ZMIZ1: variants seen among roughly 807,000 people sequenced by gnomAD.
The protein encoded by ZMIZ1 is zinc finger MIZ-type containing 1, also known as zinc finger MIZ domain-containing protein 1.
ZMIZ1 carries 17 observed loss-of-function variants against 113.9 expected under a neutral mutation model. That is an observed-to-expected ratio of 0.15 (90% confidence interval 0.10 to 0.22). The LOEUF (loss-of-function observed/expected upper bound fraction) is 0.22, where lower values mean the gene tolerates loss of function less well. Among genes scored for constraint, ZMIZ1 ranks in the 10% least tolerant of loss-of-function variants. The pLI is 1.00. For missense variants in ZMIZ1, 1,059 were observed against 1,477.8 expected (o/e 0.72, Z 4.65); for synonymous variants, 607 against 603.1 (o/e 1.01, Z -0.09).
chr10:79,286,706 G>A (rs976029592), intron 8 of ZMIZ1, among the ~76,000 whole-genome samples: 4 of 152,254 alleles, frequency 2.6e-5, no homozygotes, highest in African/African-American at 7.2e-5. Context: ...GGGCAGAGGG[G>A]ACAAAACAGG....
chr10:79,133,111 C>T (rs1208884107), intron 2 of ZMIZ1, among the ~76,000 whole-genome samples: 4 of 152,310 alleles, frequency 2.6e-5, no homozygotes, highest in Admixed American at 2.6e-4. Flanking sequence ...CATCCAAGAC[C>T]CTGCTTGCTT....
chr10:79,074,473 A>C (rs1248011607), intron 1 of ZMIZ1, among the ~76,000 whole-genome samples: 3 of 152,224 alleles, frequency 2.0e-5, no homozygotes, highest in African/African-American at 7.2e-5. Flanking sequence ...TCTTACAGCC[A>C]GAGCTTGCTT....
At chr10:79,148,219 G>GCATGATCA (rs1356025447) in intron 3 of ZMIZ1, among the ~76,000 whole-genome samples, 1 of 152,220 alleles carries the variant, frequency 6.6e-6, no homozygotes, top group African/African-American at 2.4e-5. Flanking sequence ...CCCTCACCCT[G>GCATGATCA]CATGATCACG....
intron 23 of ZMIZ1, among the ~76,000 whole-genome samples, chr10:79,309,058 G>A (rs1854930573): frequency 6.6e-6 from 1 of 152,160 alleles, no homozygotes; most frequent in Admixed American, 6.5e-5. Context: ...CGGTGGGGCA[G>A]GGCAGTCACA....
At chr10:79,090,900 T>G (rs943747694) in intron 1 of ZMIZ1, among the ~76,000 whole-genome samples, 3 of 152,234 alleles carry the variant, frequency 2.0e-5, no homozygotes, top group African/African-American at 7.2e-5. Context: ...TACACTGGCC[T>G]CATCGCCAGG....
At chr10:79,197,595 T>TACACACACACACACACACAC (rs10648318) in intron 4 of ZMIZ1, among the ~76,000 whole-genome samples, 71 of 136,842 alleles carry the variant, frequency 5.2e-4, no homozygotes, top group East Asian at 2.3e-3. Context: ...ACCCAGACCA[T>TACACACACACACACACACAC]ACACACACAC....
intron 2 of ZMIZ1, among the ~76,000 whole-genome samples, chr10:79,119,262 C>G (rs1844183610): frequency 6.6e-6 from 1 of 152,164 alleles, no homozygotes; most frequent in South Asian, 2.1e-4. Flanking sequence ...TATTCTGCTG[C>G]CAACTCCCAG....
chr10:79,274,788 A>C (rs1376097584), intron 7 of ZMIZ1, among the ~76,000 whole-genome samples: 2 of 152,254 alleles, frequency 1.3e-5, no homozygotes, highest in African/African-American at 4.8e-5. Flanking sequence ...TCACGCAGCC[A>C]GCCTGCCTTT....
At chr10:79,279,439 A>G (rs149456847) in intron 8 of ZMIZ1, among the ~76,000 whole-genome samples, 2,611 of 150,672 alleles carry the variant, frequency 0.017, 42 homozygotes, top group South Asian at 0.055. Context: ...CACTTCCTAG[A>G]CGGGATGTCA....
In ZMIZ1 at chr10:79,291,023, C is replaced by T; in HGVS notation, c.605C>T (p.Ser202Leu). The T allele has an allele frequency of 4.3e-6, 7 of 1,614,242 alleles. No individual in the cohort carries two copies. The highest frequency in any genetic ancestry group is 5.9e-6 in the Non-Finnish European group (7 of 1,180,040). Residue 202 changes from serine to leucine, a missense_variant, in exon 10 of 25, where the codon TCG (serine) becomes TTG (leucine). Ser to Leu is a moderately radical substitution (Grantham distance 145). Around this residue, in one of 6 missense-constraint regions of ZMIZ1, gnomAD observed 272 missense variants for 350.4 expected, o/e 0.78. Coordinates refer to ENST00000334512, the MANE Select transcript of ZMIZ1 (RefSeq NM_020338.4). ...AATCCAGGCGGCAACCCCATGGCGTCGGGCATGACCACCAGCAACCCAGGC... is the reference window on the plus strand; with the variant it reads ...AATCCAGGCGGCAACCCCATGGCGTTGGGCATGACCACCAGCAACCCAGGC... Reference protein sequence around the residue: ...PMNPGGNPMASGMTTSNPGLN... With the variant: ...PMNPGGNPMALGMTTSNPGLN...
At chr10:79,300,196 T>C (rs940053612) in intron 16 of ZMIZ1, among the ~76,000 whole-genome samples, 4 of 152,184 alleles carry the variant, frequency 2.6e-5, no homozygotes, top group African/African-American at 9.7e-5. Context: ...TAGCTGGGAG[T>C]GTCCTGGCCT....
At chr10:79,172,734 A>C (rs1039709382) in intron 4 of ZMIZ1, among the ~76,000 whole-genome samples, 6 of 152,194 alleles carry the variant, frequency 3.9e-5, no homozygotes, top group African/African-American at 1.4e-4. Context: ...CTTTTGACAC[A>C]AAAGAGGAGG....
At position 79,085,485 on chromosome 10, in the gene ZMIZ1, G is replaced by A. The variant is rs545521947; in HGVS notation, c.-337+16215G>A. On this transcript the variant is annotated intron_variant, in intron 1 of 24. Transcript: ENST00000334512. ...GACTCCTGCCTGGCACTCAGGTGCCGTCTGGCCTGCACCAGACCCAGAAAG... is the reference window on the plus strand; with the variant it reads ...GACTCCTGCCTGGCACTCAGGTGCCATCTGGCCTGCACCAGACCCAGAAAG... Among the ~76,000 whole-genome samples the A allele has an allele frequency of 2.0e-5, 3 of 152,308 alleles. No homozygotes were observed. The South Asian group carries it at 6.2e-4, about 32-fold the overall frequency.
chr10:79,296,092 C>T lies in ZMIZ1; in HGVS notation c.1231-379C>T. On this transcript the variant is annotated intron_variant, in intron 12 of 24. Transcript: ENST00000334512. This position sits in a 1 kb window ranked among gnomAD's most constrained non-coding sequence, Gnocchi z 4.1. Reference sequence around the variant, plus strand: ...GAATTGCATCCTGTTGACTGTGTTCCTCTGTCACATTGGGGTACACATTGG... The same window carrying T: ...GAATTGCATCCTGTTGACTGTGTTCTTCTGTCACATTGGGGTACACATTGG... 4.0e-6 allele frequency: 1 copy of T among 248,814 alleles called. No homozygotes were observed. Among genetic ancestry groups the T allele is most frequent in the Non-Finnish European group, 7.9e-6 (1 of 126,704 alleles). 15.4% of individuals were successfully genotyped at this position (248,814 alleles called of 1,614,324 possible).
intron 8 of ZMIZ1, among the ~76,000 whole-genome samples, chr10:79,286,260 GC>G (rs1394057010): frequency 6.6e-6 from 1 of 152,234 alleles, no homozygotes; most frequent in Non-Finnish European, 1.5e-5. Context: ...TCTGGTAGCA[GC>G]CCAGGGGTCT....
Position 79,208,419 on chromosome 10 carries a change from C to T in ZMIZ1, c.144C>T (p.Pro48=). Residue 48 remains proline (P), a synonymous_variant, in exon 6 of 25, where the codon CCC becomes CCT. Coordinates refer to ENST00000334512, the MANE Select transcript of ZMIZ1 (RefSeq NM_020338.4). The part of the protein sequence containing the change: ...WCGDPRAFQR[P]FEQSLMGCLT... The stretch of plus-strand genomic sequence containing the variant: ...GAGACCCACGGGCCTTCCAGCGGCC[C>T]TTCGAGCAGAGCCTGATGGGCTGTT... 6.2e-7 allele frequency: 1 copy of T among 1,614,002 alleles called. No individual in the cohort carries two copies. Among genetic ancestry groups the T allele is most frequent in the Non-Finnish European group, 8.5e-7 (1 of 1,180,030 alleles).
intron 1 of ZMIZ1, among the ~76,000 whole-genome samples, chr10:79,072,277 C>T (rs1354918277): frequency 3.3e-5 from 5 of 152,192 alleles, no homozygotes; most frequent in Admixed American, 2.0e-4. Context: ...CACGCGCGCA[C>T]GCACACTCAC....
At chr10:79,250,169 C>T (rs975435859) in intron 7 of ZMIZ1, among the ~76,000 whole-genome samples, 2 of 152,246 alleles carry the variant, frequency 1.3e-5, no homozygotes, top group African/African-American at 2.4e-5. Flanking sequence ...ACTGGCTGGG[C>T]ATTAGGTTCC....
chr10:79,214,579 C>A (rs899246053), intron 6 of ZMIZ1, among the ~76,000 whole-genome samples: 1 of 152,148 alleles, frequency 6.6e-6, no homozygotes, highest in African/African-American at 2.4e-5. Context: ...TCACAAATTC[C>A]TGAGATTTAA....
Sources: allele counts gnomAD v4.1 joint callset (sites outside exome capture counted in the v4.1 genomes callset), GRCh38; gene constraint gnomAD v4.1.1; regional missense constraint gnomAD v4.1.1; non-coding constraint Gnocchi (gnomAD v3.1); transcripts MANE v1.5; gene names NCBI Gene and HGNC (gene_info 2026-07-23, HGNC 2026-07-21).